The following ZNF112 variants were observed in gnomAD, a reference collection of about 807,000 sequenced individuals.
ZNF112 encodes the protein zinc finger protein 112 (Y14).
ZNF112 carries 37 observed loss-of-function variants against 77.7 expected under a neutral mutation model. The observed-to-expected ratio is 0.48, with a 90% confidence interval of 0.37 to 0.63. The LOEUF (loss-of-function observed/expected upper bound fraction) is 0.63. Among genes scored for constraint, ZNF112 ranks in the 20% least tolerant of loss-of-function variants. The probability of loss-of-function intolerance (pLI) is 0.00; values close to 1 mark genes in which losing one functional copy is unlikely to be tolerated. For missense variants in ZNF112, 950 were observed against 1,077.4 expected, an observed-to-expected ratio of 0.88 and a Z score of 1.66; for synonymous variants, 333 against 363.6, an observed-to-expected ratio of 0.92 and a Z score of 0.96.
intron 1 of ZNF112, among the ~76,000 whole-genome samples, chr19:44,346,023 G>A (rs529612441): frequency 6.6e-6 from 1 of 152,290 alleles, no homozygotes; most frequent in East Asian, 1.9e-4. Flanking sequence ...ACAAGCCACA[G>A]GCAATTTGCC....
At chr19:44,352,473 A>G (rs867312050) in intron 1 of ZNF112, among the ~76,000 whole-genome samples, 40 of 152,126 alleles carry the variant, frequency 2.6e-4, no homozygotes, top group African/African-American at 8.7e-4. Flanking sequence ...TGACATAACT[A>G]TTCAACACTG....
intron 1 of ZNF112, among the ~76,000 whole-genome samples, chr19:44,343,001 G>T (rs769815808): frequency 5.9e-5 from 9 of 151,894 alleles, no homozygotes; most frequent in Non-Finnish European, 1.2e-4. Context: ...TTGTAAGCAG[G>T]GTAATAAGGT....
chr19:44,364,742 A>C (rs2123232434), intron 1 of ZNF112, among the ~76,000 whole-genome samples: 1 of 152,366 alleles, frequency 6.6e-6, no homozygotes, highest in African/African-American at 2.4e-5. Flanking sequence ...GGATGGAAAT[A>C]ATTTGAATTA....
At chr19:44,360,063 T>C (rs1451905509), upstream of ZNF112, among the ~76,000 whole-genome samples, 1 of 150,834 alleles carries the variant, frequency 6.6e-6, no homozygotes, top group Non-Finnish European at 1.5e-5. Context: ...CAGACCATTC[T>C]GGCTAACACA....
At chr19:44,356,560 T>G (rs1192745567) in intron 1 of ZNF112, 66 bp downstream of exon 1, 1 of 152,320 alleles carries the variant, frequency 6.6e-6, no homozygotes, top group African/African-American at 2.4e-5. Context: ...CGGTTGCTAC[T>G]GGACCCCAAC....
chr19:44,329,087 ATGT>A lies in ZNF112; in HGVS notation c.1067_1069del (p.Asn356del). ...GCTATGACTGAAGGCTTTCTCATAA[ATGT>A]TGTGCCTATAGGACATCTCACCTGT... On this transcript the variant is annotated inframe_deletion, in exon 4 of 4. Coordinates refer to ENST00000354340, the MANE Select transcript of ZNF112 (RefSeq NM_013380.4). 1 of 1,613,914 alleles carries A rather than the reference ATGT, an allele frequency of 6.2e-7. No individual in the cohort carries two copies. The highest frequency in any genetic ancestry group is 8.5e-7 in the Non-Finnish European group (1 of 1,179,976).
At chr19:44,350,884 T>C (rs57176078) in intron 1 of ZNF112, among the ~76,000 whole-genome samples, 4,571 of 152,160 alleles carry the variant, frequency 0.03, 180 homozygotes, top group African/African-American at 0.09. Context: ...ATATCAAGAG[T>C]CTACAGTAAT....
In ZNF112 at chr19:44,328,747, A is replaced by G. The variant is rs1970191977; in HGVS notation, c.1410T>C (p.Cys470=). 3 of 1,614,034 alleles carry G rather than the reference A, an allele frequency of 1.9e-6. No homozygotes were observed. The highest frequency in any genetic ancestry group is 2.2e-5 in the South Asian group (2 of 91,070). ...ATAAATTATGGCTGAAGCTGTTACT[A>G]CACACATAGCGTTTATATGGTTGTT... ...TKEQPYKRYV[C]SNSFSHNLYL... is the part of the protein sequence containing the mutation. Residue 470 remains cysteine (C), a synonymous_variant, in exon 4 of 4, where the codon TGT becomes TGC. Coordinates refer to ENST00000354340, the MANE Select transcript of ZNF112 (RefSeq NM_013380.4).
chr19:44,329,081 T>C lies in ZNF112; in HGVS notation c.1076A>G (p.Glu359Gly), dbSNP rs777467945. The change falls in exon 4 of 4, where the codon GAG becomes GGG. Residue 359 changes from glutamate to glycine, a missense_variant. Physicochemically the swap from Glu to Gly is moderately conservative, Grantham distance 98 (BLOSUM62 -2). Transcript: ENST00000354340. ...GTCTAAGCTATGACTGAAGGCTTTC[T>C]CATAAATGTTGTGCCTATAGGACAT... ...GEMSYRHNIY[E>G]KAFSHSLDLN... The C allele has an allele frequency of 6.2e-7, 1 of 1,613,958 alleles. No homozygotes were observed. Among genetic ancestry groups the C allele is most frequent in the South Asian group, 1.1e-5 (1 of 91,078 alleles).
intron 1 of ZNF112, among the ~76,000 whole-genome samples, chr19:44,355,471 C>T (rs1252014594): frequency 6.6e-6 from 1 of 151,988 alleles, no homozygotes; most frequent in East Asian, 1.9e-4. Flanking sequence ...AGCTTATTAA[C>T]CTTGCTTTCA....
At chr19:44,348,668 C>T (rs2164113) in intron 1 of ZNF112, among the ~76,000 whole-genome samples, 29,260 of 151,858 alleles carry the variant, frequency 0.19, 3,508 homozygotes, top group African/African-American at 0.32. Context: ...TGAAATTAGT[C>T]ACAAAAGAAA....
rs1970473586 is a variant in ZNF112 at position 44,340,658 on chromosome 19, C to A, written c.-3-116G>T. ...CAACTTGAGTCACATTTACATAGTT[C>A]TCTTCTGTTTACCTTCTGTAATGCT... On this transcript the variant is annotated intron_variant, in intron 1 of 3. Transcript: ENST00000354340. 4.8e-6 allele frequency: 7 copies of A among 1,447,560 alleles called. No individual in the cohort carries two copies. In the African/African-American group the frequency reaches 5.7e-5, roughly 12 times the overall value. 89.7% of individuals were successfully genotyped at this position (1,447,560 alleles called of 1,614,324 possible). A position where few individuals can be genotyped will look rare whatever the true frequency, so the allele number is the denominator to read the frequency against.
At chr19:44,344,130 C>T (rs760626131) in intron 1 of ZNF112, among the ~76,000 whole-genome samples, 2 of 152,154 alleles carry the variant, frequency 1.3e-5, no homozygotes, top group Non-Finnish European at 2.9e-5. Context: ...TACTACATTT[C>T]TCATGTTAAA....
At chr19:44,349,774 T>C (rs568346395) in intron 1 of ZNF112, among the ~76,000 whole-genome samples, 37 of 152,044 alleles carry the variant, frequency 2.4e-4, no homozygotes, top group Non-Finnish European at 4.7e-4. Context: ...AAGAAATGTA[T>C]CCAGATAAAA....
chr19:44,343,380 G>A, intron 1 of ZNF112: 1 of 1,225,836 alleles, frequency 8.2e-7, no homozygotes, highest in Non-Finnish European at 1.2e-6. Context: ...TTAGAAAAAG[G>A]TGTCCCTTCC....
intron 3 of ZNF112, among the ~76,000 whole-genome samples, chr19:44,331,184 G>T (rs760624266): frequency 6.6e-6 from 1 of 152,154 alleles, no homozygotes; most frequent in African/African-American, 2.4e-5. Context: ...CAACGGCCAT[G>T]GTGTAGGTCA....
chr19:44,343,283 T>C (rs1431974475), intron 1 of ZNF112: 1 of 1,613,198 alleles, frequency 6.2e-7, no homozygotes, highest in Non-Finnish European at 8.5e-7. Context: ...CTCTTTCTTT[T>C]TCTAGAGAAA....
At position 44,336,690 on chromosome 19, in the gene ZNF112, T is replaced by A; in HGVS notation, c.153A>T (p.Ile51=). 1 of 1,613,964 alleles carries A rather than the reference T, an allele frequency of 6.2e-7. No homozygotes were observed. The highest frequency in any genetic ancestry group is 8.5e-7 in the Non-Finnish European group (1 of 1,179,954). The change falls in exon 3 of 4, where the codon ATA becomes ATT. Residue 51 remains isoleucine, a synonymous_variant. Coordinates refer to ENST00000354340, the MANE Select transcript of ZNF112 (RefSeq NM_013380.4). The part of the protein sequence containing the change: ...VAHQPFKPDL[I]SQLEREEKLL... Reference sequence around the variant, plus strand: ...GCTTTTCTTCTCTCTCCAGCTGGGATATTAGGTCTGGCTTGAAGGGCTGAT... The same window carrying A: ...GCTTTTCTTCTCTCTCCAGCTGGGAAATTAGGTCTGGCTTGAAGGGCTGAT...
chr19:44,353,715 T>C (rs1970733758), intron 1 of ZNF112, among the ~76,000 whole-genome samples: 1 of 150,914 alleles, frequency 6.6e-6, no homozygotes, highest in Non-Finnish European at 1.5e-5. Flanking sequence ...ATGGCTAAAA[T>C]AAAAAAAAAT....
Sources: gnomAD v4.1 joint callset for allele counts (sites outside exome capture counted in the v4.1 genomes callset) on GRCh38, gnomAD v4.1.1 for gene constraint, MANE v1.5 for transcripts, NCBI Gene and HGNC (gene_info 2026-07-23, HGNC 2026-07-21) for gene names.